IFT27: variants seen among roughly 807,000 people sequenced by gnomAD.
IFT27 encodes intraflagellar transport 27, also known as intraflagellar transport protein 27 homolog.
IFT27 carries 19 observed loss-of-function variants against 23.9 expected under a neutral mutation model. The observed-to-expected ratio is 0.79, with a 90% CI of 0.55 to 1.16. The LOEUF is 1.16. Ranked by LOEUF, IFT27 falls within the 50% of genes most tolerant of loss-of-function variation. The pLI is 0.00. For missense variants in IFT27, 206 were observed against 228.7 expected (o/e 0.90, Z 0.64); for synonymous variants, 91 against 89.1 (o/e 1.02, Z -0.12).
intron 4 of IFT27, among the ~76,000 whole-genome samples, chr22:36,765,085 G>A (rs1311651245): frequency 6.6e-6 from 1 of 152,212 alleles, no homozygotes; most frequent in Non-Finnish European, 1.5e-5. Context: ...GTCAGGGATG[G>A]GAGGACCGTG....
chr22:36,763,847 T>C (rs1938164190), intron 5 of IFT27, 72 bp downstream of exon 5: 1 of 1,102,756 alleles, frequency 9.1e-7, no homozygotes, highest in South Asian at 1.2e-5. Context: ...CAGCTACCTC[T>C]GCAATGCCCT....
At chr22:36,763,085 G>A (rs964823891) in intron 5 of IFT27, 72 bp from the exon 6 acceptor site, 2 of 1,149,926 alleles carry the variant, frequency 1.7e-6, no homozygotes, top group Non-Finnish European at 2.5e-6. Flanking sequence ...CGAGATGAGA[G>A]CACTATTTTT....
Position 36,764,010 on chromosome 22 carries a change from G to A in IFT27, c.261C>T (p.Leu87=), listed in dbSNP as rs552840567. 8.1e-6 allele frequency: 13 copies of A among 1,613,826 alleles called. No individual in the cohort carries two copies. In the East Asian group the frequency reaches 1.8e-4, roughly 22 times the overall value. Residue 87 remains leucine, a synonymous_variant, in exon 5 of 7, where the codon CTC becomes CTT. Coordinates refer to ENST00000433985, the MANE Select transcript of IFT27 (RefSeq NM_001177701.3). ...KLWESPNVLC[L]VYDVTNEESF... ...ATTCTTCATTGGTCACATCATAGAC[G>A]AGACATAAGACATTGGGACTCTCCC...
chr22:36,767,456 G>T, intron 2 of IFT27, 91 bp from the exon 3 acceptor site: 2 of 1,150,340 alleles, frequency 1.7e-6, no homozygotes, highest in Non-Finnish European at 2.5e-6. Flanking sequence ...ATCCCAGGAG[G>T]GCTATCTCCA....
At chr22:36,760,614 C>T (rs1403299160) in intron 6 of IFT27, 2 of 152,218 alleles carry the variant, frequency 1.3e-5, no homozygotes, top group Non-Finnish European at 2.9e-5. Flanking sequence ...GGTACCCCTT[C>T]TAGAAAACCC....
chr22:36,770,123 G>A (rs1289693731), intron 1 of IFT27, among the ~76,000 whole-genome samples: 2 of 152,204 alleles, frequency 1.3e-5, no homozygotes, highest in Non-Finnish European at 2.9e-5. Context: ...TAGGGGCAAG[G>A]GCTGGGCCTG....
intron 1 of IFT27, among the ~76,000 whole-genome samples, chr22:36,770,680 GCTC>G (rs1938368450): frequency 6.6e-6 from 1 of 152,086 alleles, no homozygotes; most frequent in African/African-American, 2.4e-5. Flanking sequence ...ACCTCTGACT[GCTC>G]CTCCTCCTTC....
At chr22:36,766,073 C>G in intron 4 of IFT27, 65 bp downstream of exon 4, 1 of 1,287,536 alleles carries the variant, frequency 7.8e-7, no homozygotes, top group Admixed American at 1.7e-5. Context: ...TGTGTGAGCA[C>G]TGTCAGGGGT....
In IFT27 at chr22:36,767,767, T is replaced by C; in HGVS notation, c.114+16A>G. 12 of 1,607,708 alleles carry C rather than the reference T, an allele frequency of 7.5e-6. No homozygotes were observed. The highest frequency in any genetic ancestry group is 9.4e-6 in the Non-Finnish European group (11 of 1,174,152). The stretch of plus-strand genomic sequence containing the variant: ...TTCTCTATAAGCTGTGGCCAGGTCT[T>C]GACACCCCAGCTCACCAGGGTGTAG... On this transcript the variant is annotated intron_variant, in intron 2 of 6. Transcript: ENST00000433985.
intron 6 of IFT27, chr22:36,760,566 T>C (rs900684462): frequency 1.3e-5 from 2 of 152,214 alleles, no homozygotes; most frequent in African/African-American, 2.4e-5. Flanking sequence ...TTGAATTGTG[T>C]TCTGCAGAGT....
chr22:36,763,150 C>G (rs909113128), intron 5 of IFT27, 137 bp from the exon 6 acceptor site: 7 of 540,704 alleles, frequency 1.3e-5, no homozygotes, highest in South Asian at 3.9e-5. Context: ...TGAGCCCCCC[C>G]ACAGGGAAAG....
At chr22:36,767,097 C>G in intron 3 of IFT27, 1 of 462,350 alleles carries the variant, frequency 2.2e-6, no homozygotes, top group Non-Finnish European at 4.0e-6. Flanking sequence ...CCTCAAGGGC[C>G]AGGCCCATCT....
chr22:36,770,067 G>A (rs750608811), intron 1 of IFT27, among the ~76,000 whole-genome samples: 2 of 152,168 alleles, frequency 1.3e-5, no homozygotes, highest in South Asian at 2.1e-4. Flanking sequence ...GGGAAGCATC[G>A]AGAAAAGAAA....
At chr22:36,768,102 G>A (rs1358259844) in intron 1 of IFT27, 4 of 638,060 alleles carry the variant, frequency 6.3e-6, no homozygotes, top group Non-Finnish European at 1.2e-5. Context: ...CACAGGAACT[G>A]ACCCAGAAGG....
At chr22:36,767,903 CATCTGACTTGAGA>C in intron 1 of IFT27, 41 bp from the exon 2 acceptor site, 1 of 1,524,870 alleles carries the variant, frequency 6.6e-7, no homozygotes, top group Non-Finnish European at 9.1e-7. Context: ...CCTTAGTTCT[CATCTGACTTGAGA>C]ATCTCCCGCT....
At chr22:36,772,491 T>C (rs1938406139) in intron 1 of IFT27, 1 of 985,300 alleles carries the variant, frequency 1.0e-6, no homozygotes, top group Non-Finnish European at 1.2e-6. Flanking sequence ...GTAAACAAAA[T>C]ACAGATCAAT....
rs778300157 is a variant in IFT27 at position 36,767,793 on chromosome 22, C to T, written c.104G>A (p.Ser35Asn). ...FRSDGAHFQK[S>N]YTLTTGMDLV... ...GACACCCCAGCTCACCAGGGTGTAG[C>T]TTTTCTGGAAATGGGCTCCATCACT... Residue 35 changes from serine (S) to asparagine (N), a missense_variant, in exon 2 of 7, where the codon AGC (serine) becomes AAC (asparagine). Ser to Asn is a conservative substitution (Grantham distance 46, BLOSUM62 1). Coordinates refer to ENST00000433985, the MANE Select transcript of IFT27 (RefSeq NM_001177701.3). 1 of 1,614,042 alleles carries T rather than the reference C, an allele frequency of 6.2e-7. No individual in the cohort carries two copies. The highest frequency in any genetic ancestry group is 8.5e-7 in the Non-Finnish European group (1 of 1,179,998).
At chr22:36,766,712 G>A (rs1938258390) in intron 3 of IFT27, among the ~76,000 whole-genome samples, 1 of 152,064 alleles carries the variant, frequency 6.6e-6, no homozygotes, top group African/African-American at 2.4e-5. Context: ...GACCCTTCCT[G>A]CCCTGTCCAA....
chr22:36,758,821 A>G (rs1601489666), intron 6 of IFT27: 2 of 180,634 alleles, frequency 1.1e-5, no homozygotes, highest in Non-Finnish European at 2.4e-5. Flanking sequence ...GCTAGACAGC[A>G]TGGGGCACCC....
Sources: allele counts gnomAD v4.1 joint callset (sites outside exome capture counted in the v4.1 genomes callset), GRCh38; gene constraint gnomAD v4.1.1; transcripts MANE v1.5; gene names NCBI Gene and HGNC (gene_info 2026-07-23, HGNC 2026-07-21).